The following DOC2B variants were observed in gnomAD, a reference collection of about 807,000 sequenced individuals.
DOC2B encodes double C2 domain beta.
In DOC2B, 21 loss-of-function variants were observed where a neutral mutation model predicts 28.9. That is an observed-to-expected ratio of 0.73 (90% confidence interval 0.52 to 1.05). The LOEUF is 1.05. Ranked by LOEUF, DOC2B falls within the 50% of genes least tolerant of loss-of-function variation. DOC2B has a pLI of 0.00. For missense variants in DOC2B, 384 were observed against 421.1 expected (o/e 0.91, Z 0.77); for synonymous variants, 194 against 178.1 (o/e 1.09, Z -0.71).
chr17:148,593 C>A (rs2040040151), intron 7 of DOC2B, among the ~76,000 whole-genome samples: 2 of 152,092 alleles, frequency 1.3e-5, no homozygotes, highest in South Asian at 2.1e-4. Context: ...CTGACCCCTC[C>A]CTTCTCTGTG....
At chr17:153,043 C>T (rs1016776153) in intron 6 of DOC2B, among the ~76,000 whole-genome samples, 12 of 152,128 alleles carry the variant, frequency 7.9e-5, no homozygotes, top group Admixed American at 3.9e-4. Context: ...TGAGGAGCCC[C>T]GAGCAGCAGC....
At chr17:150,029 T>A (rs1329241035) in intron 6 of DOC2B, among the ~76,000 whole-genome samples, 2 of 152,098 alleles carry the variant, frequency 1.3e-5, no homozygotes, top group Non-Finnish European at 2.9e-5. Flanking sequence ...GGCCTTAGGC[T>A]CTGATGCAGA....
intron 5 of DOC2B, among the ~76,000 whole-genome samples, chr17:159,236 A>G (rs1483067676): frequency 2.6e-5 from 4 of 152,158 alleles, no homozygotes; most frequent in Non-Finnish European, 4.4e-5. Flanking sequence ...CATGCCTGTA[A>G]TCCCAGCACT....
chr17:176,158 T>A lies in DOC2B; in HGVS notation c.374-3542A>T, dbSNP rs575669042. 2.6e-5 allele frequency among the ~76,000 whole-genome samples: 4 copies of A among 151,492 alleles called. No individual in the cohort carries two copies. The East Asian group carries it at 7.8e-4, about 29-fold the overall frequency. On this transcript the variant is annotated intron_variant, in intron 1 of 8. Coordinates refer to ENST00000613549, the MANE Select transcript of DOC2B (RefSeq NM_003585.5). ...CAGAATCTAGGCCTCTTCACTTCCA[T>A]CCTGATAGTTTCTCCCTTAAAGCCT...
At chr17:165,620 C>T (rs372952662) in intron 2 of DOC2B, among the ~76,000 whole-genome samples, 22 of 152,154 alleles carry the variant, frequency 1.4e-4, no homozygotes, top group East Asian at 7.7e-4. Flanking sequence ...GCCAGGCCCC[C>T]GTGAGACGCC....
At chr17:174,739 G>A (rs1412836961) in intron 1 of DOC2B, among the ~76,000 whole-genome samples, 4 of 152,138 alleles carry the variant, frequency 2.6e-5, no homozygotes, top group Non-Finnish European at 5.9e-5. Context: ...CTGTGTTGGC[G>A]CAGACAGCTC....
At chr17:169,794 C>G (rs762513041) in intron 2 of DOC2B, among the ~76,000 whole-genome samples, 8 of 152,074 alleles carry the variant, frequency 5.3e-5, no homozygotes, top group Non-Finnish European at 7.4e-5. Flanking sequence ...TCCCCACACC[C>G]CAGCCCAGAG....
At chr17:161,246 C>A (rs1236317596) in intron 5 of DOC2B, among the ~76,000 whole-genome samples, 169 bp downstream of exon 5, 3 of 152,090 alleles carry the variant, frequency 2.0e-5, no homozygotes, top group African/African-American at 4.8e-5. Context: ...AGAGTGAAAG[C>A]CAGGGTCCTT....
intron 1 of DOC2B, among the ~76,000 whole-genome samples, chr17:175,932 A>T (rs900385783): frequency 9.8e-5 from 15 of 152,332 alleles, no homozygotes; most frequent in African/African-American, 3.6e-4. Flanking sequence ...TGTCACCAGG[A>T]AGGGACTGAT....
intron 2 of DOC2B, among the ~76,000 whole-genome samples, chr17:169,331 G>T (rs1447523698): frequency 6.6e-6 from 1 of 151,834 alleles, no homozygotes; most frequent in Non-Finnish European, 1.5e-5. Flanking sequence ...AAGCCAAATG[G>T]CAGCCTCCCC....
intron 6 of DOC2B, among the ~76,000 whole-genome samples, chr17:152,905 T>A (rs1341133347): frequency 6.6e-6 from 1 of 152,154 alleles, no homozygotes; most frequent in Non-Finnish European, 1.5e-5. Flanking sequence ...CAGGTCACAC[T>A]CTCTTCCAGG....
chr17:152,415 G>C (rs934234281), intron 6 of DOC2B, among the ~76,000 whole-genome samples: 1 of 152,154 alleles, frequency 6.6e-6, no homozygotes, highest in African/African-American at 2.4e-5. Flanking sequence ...GCTGGGCCTG[G>C]GGTCAACTTC....
At chr17:164,058 A>G in intron 3 of DOC2B, 72 bp downstream of exon 3, 1 of 1,266,740 alleles carries the variant, frequency 7.9e-7, no homozygotes, top group Non-Finnish European at 1.1e-6. Context: ...CCCAAAGCAA[A>G]AGGACCAGAG....
intron 2 of DOC2B, among the ~76,000 whole-genome samples, chr17:170,557 G>A (rs527257206): frequency 2.0e-5 from 3 of 152,160 alleles, no homozygotes; most frequent in Admixed American, 6.5e-5. Context: ...GGAAGCCGCT[G>A]GATCTGAGCT....
intron 7 of DOC2B, among the ~76,000 whole-genome samples, chr17:148,473 C>T (rs1397740570): frequency 2.0e-5 from 3 of 152,112 alleles, no homozygotes; most frequent in Non-Finnish European, 4.4e-5. Flanking sequence ...CGCCCGCTTG[C>T]TCCTTGTCCC....
chr17:162,033 G>A (rs773429030), intron 4 of DOC2B, 48 bp downstream of exon 4: 18 of 1,320,616 alleles, frequency 1.4e-5, no homozygotes, highest in Non-Finnish European at 1.9e-5. Flanking sequence ...AAAGCCGGGT[G>A]GGAGTAGGGG....
In DOC2B at chr17:162,190, CCTGGAGAAGAGAAAAA is replaced by C; in HGVS notation, c.529-16_529-1del. The C allele has an allele frequency of 6.5e-7, 1 of 1,549,464 alleles. No homozygotes were observed. The highest frequency in any genetic ancestry group is 8.7e-7 in the Non-Finnish European group (1 of 1,144,958). On this transcript the variant is annotated splice_acceptor_variant and splice_polypyrimidine_tract_variant and intron_variant, in intron 3 of 8. Coordinates refer to ENST00000613549, the MANE Select transcript of DOC2B (RefSeq NM_003585.5). LOFTEE classifies it high-confidence loss of function. ...AGAGTTTTTGTTCTGAGCTTATTTGCCTGGAGAAGAGAAAAATGATCTTATTAGCATCAAAGTGTGT... is the reference window on the plus strand; with the variant it reads ...AGAGTTTTTGTTCTGAGCTTATTTGCTGATCTTATTAGCATCAAAGTGTGT...
At chr17:150,350 G>A (rs886760021) in intron 6 of DOC2B, among the ~76,000 whole-genome samples, 1 of 151,926 alleles carries the variant, frequency 6.6e-6, no homozygotes, top group Non-Finnish European at 1.5e-5. Flanking sequence ...TCTGTCCAGC[G>A]AATACCTGCA....
Position 181,180 on chromosome 17 carries a change from G to A in DOC2B, c.300C>T (p.Pro100=), listed in dbSNP as rs913302950. Residue 100 remains proline (P), a synonymous_variant, in exon 1 of 9, where the codon CCC becomes CCT. Transcript: ENST00000613549. This position sits in a 1 kb window ranked among gnomAD's most constrained non-coding sequence, Gnocchi z 7.0. ...YGSSPGPSPG[P]SPARPPAKPP... is the part of the protein sequence containing the mutation. Reference sequence around the variant, plus strand: ...GCTTGGCTGGCGGCCGCGCGGGGCTGGGACCCGGGCTGGGGCCCGGGCTGG... The same window carrying A: ...GCTTGGCTGGCGGCCGCGCGGGGCTAGGACCCGGGCTGGGGCCCGGGCTGG... The A allele has an allele frequency of 1.6e-6, 2 of 1,247,202 alleles. No homozygotes were observed. The highest frequency in any genetic ancestry group is 2.0e-6 in the Non-Finnish European group (2 of 996,558). The allele number at this position is 1,247,202 out of a possible 1,614,324, so 77.3% of individuals were successfully genotyped here.
Sources: allele counts gnomAD v4.1 joint callset (sites outside exome capture counted in the v4.1 genomes callset), GRCh38; gene constraint gnomAD v4.1.1; non-coding constraint Gnocchi (gnomAD v3.1); transcripts MANE v1.5; gene names NCBI Gene and HGNC (gene_info 2026-07-23, HGNC 2026-07-21).